EFCAB12: variants seen among roughly 807,000 people sequenced by gnomAD.
The protein encoded by EFCAB12 is EF-hand calcium binding domain 12.
Under a neutral mutation model 53.6 loss-of-function variants are expected in EFCAB12, and 43 were observed. The ratio of observed to expected loss-of-function variants is 0.80; its 90% CI spans 0.63 to 1.03. EFCAB12 has a LOEUF of 1.03. EFCAB12 is among the 50% of genes least tolerant of loss of function. EFCAB12 has a pLI of 0.00. For missense variants in EFCAB12, 646 were observed against 730.6 expected, an observed-to-expected ratio of 0.88 and a Z score of 1.34; for synonymous variants, 269 against 289.2, an observed-to-expected ratio of 0.93 and a Z score of 0.71.
rs1337407117 is a variant in EFCAB12 at position 129,428,626 on chromosome 3, A to G, written c.-138T>C. The G allele has an allele frequency of 2.8e-6, 3 of 1,079,650 alleles. No individual in the cohort carries two copies. Among genetic ancestry groups the G allele is most frequent in the Non-Finnish European group, 4.0e-6 (3 of 755,840 alleles). 66.9% of individuals were successfully genotyped at this position (1,079,650 alleles called of 1,614,324 possible). A position where few individuals can be genotyped will look rare whatever the true frequency, so the allele number is the denominator to read the frequency against. ...AAAGGCGCTCAGCTCAGACTGCAGA[A>G]GCAACCTGTTGCCGTGGCTACGGAC... On this transcript the variant is annotated 5_prime_UTR_variant, in exon 1 of 9. Coordinates refer to ENST00000505956, the MANE Select transcript of EFCAB12 (RefSeq NM_207307.3).
intron 6 of EFCAB12, among the ~76,000 whole-genome samples, chr3:129,407,084 G>A (rs2071962862): frequency 6.6e-6 from 1 of 152,288 alleles, no homozygotes; most frequent in South Asian, 2.1e-4. Context: ...ATGGGTGGGT[G>A]CTAATCCAAT....
intron 6 of EFCAB12, among the ~76,000 whole-genome samples, chr3:129,406,671 G>A (rs1166467417): frequency 6.6e-6 from 1 of 152,066 alleles, no homozygotes; most frequent in Non-Finnish European, 1.5e-5. Context: ...CCTGATGAAT[G>A]TTTGTATTTT....
intron 2 of EFCAB12, among the ~76,000 whole-genome samples, chr3:129,418,740 C>A (rs559289524): frequency 1.6e-4 from 24 of 152,256 alleles, no homozygotes; most frequent in Admixed American, 1.6e-3. Flanking sequence ...TATGCGTAAT[C>A]CCACTGGTCT....
intron 3 of EFCAB12, among the ~76,000 whole-genome samples, chr3:129,416,449 A>AC (rs1433509937): frequency 3.3e-5 from 5 of 151,880 alleles, no homozygotes; most frequent in African/African-American, 1.2e-4. Context: ...AAACAAACAA[A>AC]AAAATGAACT....
Position 129,416,446 on chromosome 3 carries a change from C to A in EFCAB12, c.682-1045G>T, listed in dbSNP as rs571907416. Among the ~76,000 whole-genome samples, 664 of 149,076 alleles carry A rather than the reference C, an allele frequency of 4.5e-3. 3 individuals carry two copies. Among genetic ancestry groups the A allele is most frequent in the African/African-American group, 0.016 (623 of 39,262 alleles). The stretch of plus-strand genomic sequence containing the variant: ...ACAAACAAACAAACAAACAAACAAA[C>A]AAAAAAATGAACTCTCCTGGTGCTA... On this transcript the variant is annotated intron_variant, in intron 3 of 8. Coordinates refer to ENST00000505956, the MANE Select transcript of EFCAB12 (RefSeq NM_207307.3).
At chr3:129,415,079 G>T in intron 4 of EFCAB12, 166 bp downstream of exon 4, 1 of 724,618 alleles carries the variant, frequency 1.4e-6, no homozygotes, top group Non-Finnish European at 2.1e-6. Context: ...CTACTCCTTA[G>T]TTAATCTCTG....
Position 129,411,481 on chromosome 3 carries a change from T to A in EFCAB12, c.839-127A>T, listed in dbSNP as rs1458436939. 8.2e-6 allele frequency: 8 copies of A among 979,712 alleles called. No homozygotes were observed. In the East Asian group the frequency reaches 2.1e-4, roughly 26 times the overall value. 60.7% of individuals were successfully genotyped at this position (979,712 alleles called of 1,614,324 possible). Reference sequence around the variant, plus strand: ...CACCCCTCCGCTCCCTTCCCACACGTCTGGGCAGTGCCCACCTAAGCCACC... The same window carrying A: ...CACCCCTCCGCTCCCTTCCCACACGACTGGGCAGTGCCCACCTAAGCCACC... On this transcript the variant is annotated intron_variant, in intron 4 of 8. Coordinates refer to ENST00000505956, the MANE Select transcript of EFCAB12 (RefSeq NM_207307.3).
intron 7 of EFCAB12, chr3:129,403,407 G>A (rs1025774901): frequency 2.0e-5 from 3 of 152,322 alleles, no homozygotes; most frequent in African/African-American, 7.2e-5. Flanking sequence ...CTTTACATAT[G>A]AAGATGCTAA....
rs2072191685 is a variant in EFCAB12, at chr3:129,421,712, C to CT, written c.140dup (p.Lys48GlufsTer25). On this transcript the variant is annotated frameshift_variant, in exon 2 of 9. Transcript: ENST00000505956. LOFTEE classifies it high-confidence loss of function. The stretch of plus-strand genomic sequence containing the variant: ...GGGTCTGAGGCAGGCGGAAGTCCTT[C>CT]TGCTGGAACTGCTTGAAGCAGTGGG... 6.2e-7 allele frequency: 1 copy of CT among 1,613,708 alleles called. No individual in the cohort carries two copies. The highest frequency in any genetic ancestry group is 1.3e-5 in the African/African-American group (1 of 74,914).
intron 1 of EFCAB12, among the ~76,000 whole-genome samples, chr3:129,424,433 T>C (rs556425276): frequency 2.6e-5 from 4 of 152,098 alleles, no homozygotes; most frequent in Non-Finnish European, 5.9e-5. Flanking sequence ...GCATAGCACC[T>C]CCCCCTGCTC....
chr3:129,421,602 A>G lies in EFCAB12; in HGVS notation c.251T>C (p.Ile84Thr). 6.2e-7 allele frequency: 1 copy of G among 1,613,836 alleles called. No individual in the cohort carries two copies. The stretch of plus-strand genomic sequence containing the variant: ...AGCTTCCAGAACTTTGAAGCTGGGG[A>G]TGGGCTTTGGGGGAGCCTGAGGTTG... ...ASQPQAPPKP[I>T]PSFKVLEARD... Residue 84 changes from isoleucine (I) to threonine (T), a missense_variant, in exon 2 of 9, where the codon ATC (isoleucine) becomes ACC (threonine). Coordinates refer to ENST00000505956, the MANE Select transcript of EFCAB12 (RefSeq NM_207307.3).
rs940720474 is a variant in EFCAB12, at chr3:129,401,665, C to G, written c.1647G>C (p.Trp549Cys). 1 of 1,588,210 alleles carries G rather than the reference C, an allele frequency of 6.3e-7. No individual in the cohort carries two copies. Among genetic ancestry groups the G allele is most frequent in the Non-Finnish European group, 8.6e-7 (1 of 1,167,220 alleles). ...VYPATYHPDH[W>C]WPLRNKNYMT... ...TGTAGTTCTTGTTCCTAAGGGGCCA[C>G]CAGTGGTCAGGGTGGTAGGTGGCTG... Residue 549 changes from tryptophan (W) to cysteine (C), a missense_variant, in exon 9 of 9, where the codon TGG becomes TGC. Trp to Cys is a radical substitution (Grantham distance 215, BLOSUM62 -2). Transcript: ENST00000505956.
At chr3:129,414,808 C>T (rs1416590918) in intron 4 of EFCAB12, 1 of 153,066 alleles carries the variant, frequency 6.5e-6, no homozygotes, top group African/African-American at 2.4e-5. Context: ...TAGCAGAATA[C>T]CAAAATACAC....
chr3:129,402,475 C>T lies in EFCAB12; in HGVS notation c.1460+48G>A, dbSNP rs749614206. The T allele has an allele frequency of 6.3e-6, 10 of 1,585,266 alleles. No individual in the cohort carries two copies. The South Asian group carries it at 1.0e-4, about 16-fold the overall frequency. On this transcript the variant is annotated intron_variant, in intron 8 of 8. Transcript: ENST00000505956. ...TCCCAGTTGTCTCAGGCGAAGCTGC[C>T]CCTCCTCCCACCTTCCTTCCTTGTG... is the stretch of plus-strand genomic sequence containing the variant.
At chr3:129,409,688 A>G (rs2072005477) in intron 5 of EFCAB12, among the ~76,000 whole-genome samples, 1 of 135,018 alleles carries the variant, frequency 7.4e-6, no homozygotes, top group African/African-American at 3.0e-5. Flanking sequence ...AGCTGTTTTT[A>G]TAAAGTTTTG....
chr3:129,416,767 A>G (rs768392695), intron 3 of EFCAB12, among the ~76,000 whole-genome samples: 1 of 151,860 alleles, frequency 6.6e-6, no homozygotes, highest in East Asian at 1.9e-4. Flanking sequence ...CTCCCATCTG[A>G]CCCTCCCATG....
chr3:129,404,123 GT>G, intron 7 of EFCAB12, 126 bp downstream of exon 7: 1 of 1,291,122 alleles, frequency 7.7e-7, no homozygotes. Flanking sequence ...GTTGGGGGAT[GT>G]TGCCCTAGGA....
intron 8 of EFCAB12, among the ~76,000 whole-genome samples, 158 bp downstream of exon 8, chr3:129,402,365 C>G (rs1301117326): frequency 6.6e-6 from 1 of 152,176 alleles, no homozygotes; most frequent in Non-Finnish European, 1.5e-5. Flanking sequence ...AGCCCCAGAG[C>G]AATGCCTCCT....
chr3:129,411,548 A>G (rs2072040714), intron 4 of EFCAB12, 194 bp from the exon 5 acceptor site: 3 of 513,946 alleles, frequency 5.8e-6, no homozygotes, highest in African/African-American at 4.0e-5. Flanking sequence ...CATCTCCACT[A>G]ATGGCGTCCC....
Sources: gnomAD v4.1 joint callset for allele counts (sites outside exome capture counted in the v4.1 genomes callset) on GRCh38, gnomAD v4.1.1 for gene constraint, MANE v1.5 for transcripts, NCBI Gene and HGNC (gene_info 2026-07-23, HGNC 2026-07-21) for gene names.